MIB1: variants seen among roughly 807,000 people sequenced by gnomAD.
MIB1 encodes MIB E3 ubiquitin protein ligase 1, also known as E3 ubiquitin-protein ligase MIB1.
Under a neutral mutation model 124.5 loss-of-function variants are expected in MIB1, and 278 were observed. The ratio of observed to expected loss-of-function variants is 2.23; its 90% CI spans 2.02 to 2.47. The LOEUF is 2.47. Among genes scored for constraint, MIB1 ranks in the 30% most tolerant of loss-of-function variants. MIB1 has a pLI of 0.00. For missense variants in MIB1, 957 were observed against 1,254.4 expected, an observed-to-expected ratio of 0.76 and a Z score of 3.58; for synonymous variants, 446 against 429.4, an observed-to-expected ratio of 1.04 and a Z score of -0.48.
intron 13 of MIB1, among the ~76,000 whole-genome samples, chr18:21,842,116 A>AAAAAAAAAAAAAAG (rs1555695873): frequency 8.3e-6 from 1 of 121,136 alleles, no homozygotes; most frequent in Non-Finnish European, 1.7e-5. Context: ...AAAAAAAAAA[A>AAAAAAAAAAAAAAG]AAGAAGAAAA....
At chr18:21,774,921 TTTTA>T (rs200926882) in intron 4 of MIB1, among the ~76,000 whole-genome samples, 48,093 of 138,030 alleles carry the variant, frequency 0.35, 9,709 homozygotes, top group East Asian at 0.58. Flanking sequence ...TTTATTTCCA[TTTTA>T]TTTATTTATT....
chr18:21,843,330 A>G (rs892246403), intron 14 of MIB1, 113 bp downstream of exon 14: 5 of 623,010 alleles, frequency 8.0e-6, no homozygotes, highest in Middle Eastern at 3.7e-4. Flanking sequence ...TGGCATAGTT[A>G]GATATAAGTA....
Position 21,791,480 on chromosome 18 carries a change from G to T in MIB1, c.1015G>T (p.Val339Leu). Residue 339 changes from valine to leucine, a missense_variant, in exon 7 of 21, where the codon GTA becomes TTA. Coordinates refer to ENST00000261537, the MANE Select transcript of MIB1 (RefSeq NM_020774.4). The part of the protein sequence containing the change: ...GTSQFQVGDL[V>L]QVCYDLERIK... ...CTCGCAGTTTCAAGTGGGTGATCTT[G>T]TACAAGTTTGTTATGACCTGGAACG... The T allele has an allele frequency of 6.2e-7, 1 of 1,614,096 alleles. No individual in the cohort carries two copies.
chr18:21,859,406 A>AT (rs988393522), intron 20 of MIB1, among the ~76,000 whole-genome samples: 2 of 151,252 alleles, frequency 1.3e-5, no homozygotes, highest in Non-Finnish European at 3.0e-5. Flanking sequence ...AAAAAAAAAA[A>AT]AGTCAAGGAT....
intron 1 of MIB1, among the ~76,000 whole-genome samples, chr18:21,756,558 G>A (rs541197746): frequency 2.6e-5 from 4 of 152,052 alleles, no homozygotes; most frequent in African/African-American, 9.6e-5. Context: ...TTTGCCTCCC[G>A]GGTTCAAGTG....
At chr18:21,761,739 C>T (rs992294256) in intron 1 of MIB1, among the ~76,000 whole-genome samples, 1 of 152,210 alleles carries the variant, frequency 6.6e-6, no homozygotes, top group Non-Finnish European at 1.5e-5. Flanking sequence ...GTCTGTCTGT[C>T]ACTGTCTTTC....
rs547965485 is a variant in MIB1 at position 21,756,382 on chromosome 18, C to G, written c.230-9390C>G. ...CCTGTAAAATGAAATCAGAGTAGTTCAAGGTACACAGGTGTTCTGCTTCTA... is the reference window on the plus strand; with the variant it reads ...CCTGTAAAATGAAATCAGAGTAGTTGAAGGTACACAGGTGTTCTGCTTCTA... On this transcript the variant is annotated intron_variant, in intron 1 of 20. Coordinates refer to ENST00000261537, the MANE Select transcript of MIB1 (RefSeq NM_020774.4). 4.6e-5 allele frequency among the ~76,000 whole-genome samples: 7 copies of G among 152,290 alleles called. No homozygotes were observed. The South Asian group carries it at 1.5e-3, about 32-fold the overall frequency.
At chr18:21,721,867 T>A (rs2040717251) in intron 1 of MIB1, among the ~76,000 whole-genome samples, 1 of 152,234 alleles carries the variant, frequency 6.6e-6, no homozygotes, top group Non-Finnish European at 1.5e-5. Context: ...CTTACATTAC[T>A]GTGGAGTGTT....
intron 9 of MIB1, 159 bp from the exon 10 acceptor site, chr18:21,803,748 A>G (rs567262847): frequency 3.5e-5 from 16 of 456,342 alleles, no homozygotes; most frequent in African/African-American, 2.2e-4. Flanking sequence ...CTCAAAATTA[A>G]GAAGTCTGTA....
intron 10 of MIB1, among the ~76,000 whole-genome samples, chr18:21,810,114 ATCTT>A (rs769375286): frequency 5.9e-5 from 9 of 152,114 alleles, no homozygotes; most frequent in Non-Finnish European, 8.8e-5. Flanking sequence ...TTAACAATGA[ATCTT>A]TCAGGAAATT....
chr18:21,766,300 G>T (rs1473809400), intron 2 of MIB1, among the ~76,000 whole-genome samples: 1 of 152,160 alleles, frequency 6.6e-6, no homozygotes, highest in Non-Finnish European at 1.5e-5. Flanking sequence ...AGGGCTCATT[G>T]ATTGAGTCAG....
rs74996624 is a variant in MIB1, at chr18:21,869,942, A to G, written c.*5276A>G. On this transcript the variant is annotated 3_prime_UTR_variant, in exon 21 of 21. Coordinates refer to ENST00000261537, the MANE Select transcript of MIB1 (RefSeq NM_020774.4). ...ATGTTCAGTATGTTTATGTCATTCT[A>G]AATGCAGCAAATTCAATGATAGCAG... The G allele has an allele frequency of 6.6e-6, 1 of 152,232 alleles. No homozygotes were observed. Among genetic ancestry groups the G allele is most frequent in the African/African-American group, 2.4e-5 (1 of 41,456 alleles). The allele number at this position is 152,232 out of a possible 1,614,324, so 9.4% of individuals were successfully genotyped here.
chr18:21,816,689 G>T (rs181451694), intron 11 of MIB1, among the ~76,000 whole-genome samples: 1 of 152,336 alleles, frequency 6.6e-6, no homozygotes, highest in African/African-American at 2.4e-5. Flanking sequence ...GGAATTGGTT[G>T]CTGGATTGGA....
intron 6 of MIB1, among the ~76,000 whole-genome samples, chr18:21,785,081 T>C (rs989462704): frequency 2.0e-5 from 3 of 152,204 alleles, no homozygotes; most frequent in African/African-American, 4.8e-5. Flanking sequence ...TGATGTAAGC[T>C]GTCCTCTCTC....
At chr18:21,767,696 C>T (rs945427601) in intron 2 of MIB1, among the ~76,000 whole-genome samples, 6 of 152,048 alleles carry the variant, frequency 3.9e-5, no homozygotes, top group East Asian at 1.9e-4. Flanking sequence ...TACAGGCGCC[C>T]GCCACCACAC....
chr18:21,839,566 A>G (rs2042063269), intron 13 of MIB1, among the ~76,000 whole-genome samples: 1 of 152,174 alleles, frequency 6.6e-6, no homozygotes, highest in Non-Finnish European at 1.5e-5. Context: ...GTACAGTGGC[A>G]CAATCATGGC....
At chr18:21,815,281 G>T (rs184830198) in intron 10 of MIB1, among the ~76,000 whole-genome samples, 3 of 151,456 alleles carry the variant, frequency 2.0e-5, no homozygotes, top group African/African-American at 7.3e-5. Flanking sequence ...CAATCCTCCT[G>T]TGTCAGCCTC....
intron 12 of MIB1, chr18:21,825,426 A>T (rs2041915765): frequency 3.3e-6 from 1 of 299,108 alleles, no homozygotes; most frequent in Non-Finnish European, 6.5e-6. Context: ...CATAGCCTAC[A>T]TTTTATTACC....
chr18:21,853,118 G>C (rs1028819436), intron 17 of MIB1, 22 bp from the exon 18 acceptor site: 13 of 1,530,820 alleles, frequency 8.5e-6, no homozygotes, highest in Middle Eastern at 3.4e-4. Context: ...TGGTCACTGT[G>C]CTGTAACCTC....
Sources: allele counts gnomAD v4.1 joint callset (sites outside exome capture counted in the v4.1 genomes callset), GRCh38; gene constraint gnomAD v4.1.1; transcripts MANE v1.5; gene names NCBI Gene and HGNC (gene_info 2026-07-23, HGNC 2026-07-21).